FBN1: variants seen among roughly 807,000 people sequenced by gnomAD.
FBN1 encodes fibrillin-1.
FBN1 carries 29 observed loss-of-function variants against 365.1 expected under a neutral mutation model. The observed-to-expected ratio is 0.08, with a 90% CI of 0.06 to 0.11. FBN1 has a LOEUF of 0.11. Ranked by LOEUF, FBN1 falls within the 10% of genes least tolerant of loss-of-function variation. FBN1 has a pLI of 1.00. For missense variants in FBN1, 2,476 were observed against 3,703.2 expected (o/e 0.67, Z 8.60); for synonymous variants, 1,210 against 1,270.5 (o/e 0.95, Z 1.01).
At chr15:48,566,135 A>G (rs1397247057) in intron 6 of FBN1, among the ~76,000 whole-genome samples, 1 of 152,224 alleles carries the variant, frequency 6.6e-6, no homozygotes, top group Admixed American at 6.5e-5. Flanking sequence ...ATCTGTAGTA[A>G]GAATAGCAGA....
chr15:48,540,354 T>G (rs538610161), intron 6 of FBN1, among the ~76,000 whole-genome samples: 124 of 152,300 alleles, frequency 8.1e-4, no homozygotes, highest in African/African-American at 2.8e-3. Context: ...ATGTGTGTGT[T>G]TTATTTTTTT....
chr15:48,470,554 T>C (rs2043363764), intron 36 of FBN1, 80 bp downstream of exon 36: 1 of 1,589,030 alleles, frequency 6.3e-7, no homozygotes, highest in African/African-American at 1.3e-5. Flanking sequence ...TGACGGCCCT[T>C]GTGTAGTCCC....
At position 48,479,771 on chromosome 15, in the gene FBN1, G is replaced by A. The variant is rs567418670; in HGVS notation, c.3964+1884C>T. 1.2e-4 allele frequency among the ~76,000 whole-genome samples: 18 copies of A among 152,234 alleles called. No homozygotes were observed. In the South Asian group the frequency reaches 2.7e-3, roughly 23 times the overall value. On this transcript the variant is annotated intron_variant, in intron 32 of 65. Transcript: ENST00000316623. ...TTAGTATCTGTGCAAATTCAACTACGAAAAACAAGCCTTTCAATATAAAGA... is the reference window on the plus strand; with the variant it reads ...TTAGTATCTGTGCAAATTCAACTACAAAAAACAAGCCTTTCAATATAAAGA...
Position 48,516,218 on chromosome 15 carries a change from G to T in FBN1, c.1292C>A (p.Pro431Gln). The T allele has an allele frequency of 1.2e-6, 2 of 1,613,952 alleles. No homozygotes were observed. Among genetic ancestry groups the T allele is most frequent in the Non-Finnish European group, 1.7e-6 (2 of 1,179,918 alleles). The change falls in exon 11 of 66, where the codon CCA (proline) becomes CAA (glutamine). Residue 431 changes from proline (P) to glutamine (Q), a missense_variant. Pro to Gln is a moderately conservative substitution (Grantham distance 76). This residue lies in a region of FBN1 where 421 missense variants were observed against 520.1 expected (regional missense o/e 0.81). Coordinates refer to ENST00000316623, the MANE Select transcript of FBN1 (RefSeq NM_000138.5). ...PGPQIPVPRP[P>Q]VEYLYPSREP... ...CCGAGATGGATACAGATATTCCACT[G>T]GTGGTCGAGGGACCGGAATTTGAGG...
At chr15:48,498,240 A>T (rs1016384697) in intron 18 of FBN1, among the ~76,000 whole-genome samples, 3 of 151,926 alleles carry the variant, frequency 2.0e-5, no homozygotes, top group African/African-American at 7.3e-5. Flanking sequence ...CTTATTCGTT[A>T]TAAGTTTCCT....
chr15:48,631,801 T>C (rs142593636), intron 2 of FBN1, among the ~76,000 whole-genome samples: 6 of 152,330 alleles, frequency 3.9e-5, no homozygotes, highest in Non-Finnish European at 7.3e-5. Context: ...ACAGAGGCAA[T>C]TAAAGCACAT....
intron 53 of FBN1, among the ~76,000 whole-genome samples, chr15:48,434,924 G>A (rs942032457): frequency 6.6e-6 from 1 of 152,166 alleles, no homozygotes; most frequent in African/African-American, 2.4e-5. Flanking sequence ...AGCCTCCTGA[G>A]TAGCTGGAAT....
intron 2 of FBN1, among the ~76,000 whole-genome samples, chr15:48,619,439 T>C (rs928624457): frequency 6.6e-6 from 1 of 152,116 alleles, no homozygotes; most frequent in Non-Finnish European, 1.5e-5. Flanking sequence ...CCATGGTCCA[T>C]CTGTTTCTCT....
At chr15:48,636,088 T>C (rs1164430708) in intron 2 of FBN1, among the ~76,000 whole-genome samples, 1 of 152,218 alleles carries the variant, frequency 6.6e-6, no homozygotes, top group Non-Finnish European at 1.5e-5. Flanking sequence ...ATGATGCTCC[T>C]CACATCCAAA....
intron 2 of FBN1, among the ~76,000 whole-genome samples, chr15:48,618,256 A>AACT (rs1889695693): frequency 6.6e-6 from 1 of 152,176 alleles, no homozygotes; most frequent in Non-Finnish European, 1.5e-5. Flanking sequence ...AATGTGATAG[A>AACT]TCATGAAACA....
chr15:48,556,098 A>G (rs554132593), intron 6 of FBN1, among the ~76,000 whole-genome samples: 1 of 152,308 alleles, frequency 6.6e-6, no homozygotes, highest in Non-Finnish European at 1.5e-5. Flanking sequence ...AACATCTATG[A>G]TTTTAATTTT....
chr15:48,608,459 A>G (rs2044630601), intron 4 of FBN1, among the ~76,000 whole-genome samples: 1 of 152,216 alleles, frequency 6.6e-6, no homozygotes, highest in South Asian at 2.1e-4. Context: ...GCTGTTCCCT[A>G]GAACATCACT....
chr15:48,585,608 A>C (rs1057410137), intron 6 of FBN1, among the ~76,000 whole-genome samples: 3 of 152,240 alleles, frequency 2.0e-5, no homozygotes, highest in African/African-American at 7.2e-5. Flanking sequence ...GTAAATCAAC[A>C]AATATTTAAT....
intron 2 of FBN1, among the ~76,000 whole-genome samples, chr15:48,637,862 G>A (rs866169599): frequency 1.3e-5 from 2 of 152,142 alleles, no homozygotes; most frequent in African/African-American, 4.8e-5. Context: ...GGACCAAAGA[G>A]CAAATGTTTC....
intron 6 of FBN1, among the ~76,000 whole-genome samples, chr15:48,575,493 C>T (rs1401449529): frequency 2.0e-5 from 3 of 152,118 alleles, no homozygotes; most frequent in Non-Finnish European, 2.9e-5. Context: ...CTTTCACCCT[C>T]CTCCTACCTT....
intron 57 of FBN1, 69 bp from the exon 58 acceptor site, chr15:48,427,842 T>C: frequency 1.3e-6 from 2 of 1,491,994 alleles, no homozygotes; most frequent in Non-Finnish European, 1.8e-6. Flanking sequence ...ATTAAAAATT[T>C]GGTCAGATAT....
chr15:48,627,675 T>G (rs1212918088), intron 2 of FBN1, among the ~76,000 whole-genome samples: 3 of 152,166 alleles, frequency 2.0e-5, no homozygotes, highest in Non-Finnish European at 4.4e-5. Flanking sequence ...GTGACTTAAT[T>G]CAGAGGCTGC....
chr15:48,563,606 G>T (rs910230290), intron 6 of FBN1, among the ~76,000 whole-genome samples: 1 of 152,174 alleles, frequency 6.6e-6, no homozygotes. Flanking sequence ...TGTAAGTTAT[G>T]TGTATTTAGC....
intron 36 of FBN1, among the ~76,000 whole-genome samples, chr15:48,470,368 C>T (rs2043361511): frequency 6.6e-6 from 1 of 152,198 alleles, no homozygotes; most frequent in African/African-American, 2.4e-5. Context: ...AGCTACACCA[C>T]TAGAGCACCC....
Sources: gnomAD v4.1 joint callset for allele counts (sites outside exome capture counted in the v4.1 genomes callset) on GRCh38, gnomAD v4.1.1 for gene constraint, gnomAD v4.1.1 regional missense constraint, MANE v1.5 for transcripts, NCBI Gene and HGNC (gene_info 2026-07-23, HGNC 2026-07-21) for gene names.